GABRA3: variants seen among roughly 807,000 people sequenced by gnomAD.
The protein encoded by GABRA3 is gamma-aminobutyric acid receptor subunit alpha-3.
GABRA3 carries 10 observed loss-of-function variants against 30.1 expected under a neutral mutation model. That is an observed-to-expected ratio of 0.33 (90% CI 0.20 to 0.56). GABRA3 has a LOEUF of 0.56. GABRA3 is among the 20% of genes least tolerant of loss of function. GABRA3 has a pLI of 0.89. For synonymous variants in GABRA3, 151 were observed against 146.8 expected, an observed-to-expected ratio of 1.03 and a Z score of -0.21; for missense variants, 233 against 392.0, an observed-to-expected ratio of 0.59 and a Z score of 3.42.
chrX:152,347,314 G>A (rs1405672097), intron 2 of GABRA3, among the ~76,000 whole-genome samples: 1 of 111,738 alleles, frequency 8.9e-6, no homozygotes, highest in African/African-American at 3.3e-5. Flanking sequence ...TGGAGATAGA[G>A]AGTAGAAGCA....
intron 1 of GABRA3, among the ~76,000 whole-genome samples, chrX:152,401,882 A>G (rs1312295860): frequency 8.9e-6 from 1 of 111,809 alleles, no homozygotes; most frequent in East Asian, 2.8e-4. Flanking sequence ...TAAGGGATTT[A>G]GGAATCTGCT....
chrX:152,279,203 G>A (rs1391660677), intron 4 of GABRA3, among the ~76,000 whole-genome samples: 1 of 111,569 alleles, frequency 9.0e-6, no homozygotes, highest in Admixed American at 9.5e-5. Context: ...TGTCCTGAAT[G>A]GTATTGCCTA....
intron 4 of GABRA3, among the ~76,000 whole-genome samples, chrX:152,277,724 T>C (rs937057070): frequency 8.9e-6 from 1 of 112,099 alleles, no homozygotes; most frequent in Non-Finnish European, 1.9e-5. Context: ...GGCATTTAAA[T>C]CACATCTTCC....
intron 5 of GABRA3, among the ~76,000 whole-genome samples, chrX:152,233,444 A>T (rs2124390802): frequency 9.1e-6 from 1 of 110,123 alleles, no homozygotes; most frequent in Non-Finnish European, 1.9e-5. Flanking sequence ...ACACATGAAA[A>T]AATGCTCATC....
chrX:152,446,846 A>T (rs369624553), intron 1 of GABRA3, among the ~76,000 whole-genome samples: 2 of 112,108 alleles, frequency 1.8e-5, no homozygotes, highest in East Asian at 2.8e-4. Context: ...CCCATCTAGC[A>T]TTCAGTATGA....
chrX:152,367,320 C>T (rs1928684404), intron 1 of GABRA3, among the ~76,000 whole-genome samples: 1 of 111,520 alleles, frequency 9.0e-6, no homozygotes, highest in African/African-American at 3.3e-5. Context: ...CAGGAGGAGA[C>T]AACTCTTGTG....
At chrX:152,362,341 TA>T (rs1018197397) in intron 2 of GABRA3, among the ~76,000 whole-genome samples, 2 of 111,234 alleles carry the variant, frequency 1.8e-5, no homozygotes, top group Non-Finnish European at 3.8e-5. Context: ...TCATTTCTAG[TA>T]ATGATATTCC....
chrX:152,178,911 A>G (rs1377954409), intron 9 of GABRA3, among the ~76,000 whole-genome samples: 1 of 111,792 alleles, frequency 8.9e-6, no homozygotes, highest in Non-Finnish European at 1.9e-5. Context: ...TTATACTGCT[A>G]CCAGTTTTGC....
chrX:152,323,111 A>C (rs1158704806), intron 3 of GABRA3, among the ~76,000 whole-genome samples: 1 of 110,264 alleles, frequency 9.1e-6, no homozygotes, highest in African/African-American at 3.3e-5. Flanking sequence ...TCAGCCTCTC[A>C]AAGTGCTGGG....
At chrX:152,349,307 G>A (rs886346028) in intron 2 of GABRA3, among the ~76,000 whole-genome samples, 67 of 110,553 alleles carry the variant, frequency 6.1e-4, no homozygotes, top group African/African-American at 2.1e-3. Context: ...TGAAGGAAGC[G>A]CTAAACATGG....
chrX:152,173,976 T>C (rs1340185893), intron 9 of GABRA3, among the ~76,000 whole-genome samples: 1 of 109,581 alleles, frequency 9.1e-6, no homozygotes, highest in Non-Finnish European at 1.9e-5. Context: ...GTGTGTGATG[T>C]TCCCCTTCCT....
At chrX:152,274,246 T>G in intron 4 of GABRA3, among the ~76,000 whole-genome samples, 1 of 111,650 alleles carries the variant, frequency 9.0e-6, no homozygotes, top group Non-Finnish European at 1.9e-5. Context: ...AGACTCACGA[T>G]AAGTGAAAGA....
chrX:152,364,399 C>T (rs201222418), intron 2 of GABRA3, 32 bp downstream of exon 2: 1 of 1,181,872 alleles, frequency 8.5e-7, no homozygotes, highest in African/African-American at 1.8e-5. Flanking sequence ...TTATCACAGT[C>T]TTCTTTCATC....
At chrX:152,272,237 T>C (rs183262584) in intron 4 of GABRA3, among the ~76,000 whole-genome samples, 3 of 112,192 alleles carry the variant, frequency 2.7e-5, no homozygotes, top group Non-Finnish European at 5.6e-5. Context: ...AGGGGGACTG[T>C]ACCCTGCAAA....
chrX:152,369,449 C>A (rs1284475331), intron 1 of GABRA3, among the ~76,000 whole-genome samples: 1 of 111,327 alleles, frequency 9.0e-6, no homozygotes. Context: ...CTACTACCCT[C>A]CCGTCTCACA....
intron 1 of GABRA3, among the ~76,000 whole-genome samples, chrX:152,450,285 CAG>C (rs1245773724): frequency 9.1e-6 from 1 of 110,140 alleles, no homozygotes; most frequent in Non-Finnish European, 1.9e-5. Context: ...CAGCCACAGT[CAG>C]AGGAGCAACA....
rs1273844026 is a variant in GABRA3, at chrX:152,443,605, A to G, written c.-27+7541T>C. 2.7e-5 allele frequency among the ~76,000 whole-genome samples: 3 copies of G among 111,904 alleles called. No individual in the cohort carries two copies. In the East Asian group the frequency reaches 8.4e-4, roughly 31 times the overall value. On this transcript the variant is annotated intron_variant, in intron 1 of 9. Transcript: ENST00000370314. ...CCCGGGCTTGAGGGACTTACACCCT[A>G]AAACAGGAATCCAAACAATAGATGT...
At chrX:152,361,027 G>A (rs1928485445) in intron 2 of GABRA3, among the ~76,000 whole-genome samples, 1 of 104,201 alleles carries the variant, frequency 9.6e-6, no homozygotes, top group African/African-American at 3.5e-5. Flanking sequence ...AAAGTTTGAA[G>A]TTACAATGAG....
chrX:152,428,341 T>C (rs1930562542), intron 1 of GABRA3, among the ~76,000 whole-genome samples: 1 of 112,086 alleles, frequency 8.9e-6, no homozygotes, highest in Non-Finnish European at 1.9e-5. Context: ...TCCAAAGAGC[T>C]ACTCTCAATA....
Sources: gnomAD v4.1 joint callset for allele counts (sites outside exome capture counted in the v4.1 genomes callset) on GRCh38, gnomAD v4.1.1 for gene constraint, MANE v1.5 for transcripts, NCBI Gene and HGNC (gene_info 2026-07-23, HGNC 2026-07-21) for gene names.